Variants in SLC35F1 observed in about 807,000 individuals in gnomAD.
SLC35F1 encodes solute carrier family 35 member F1.
In SLC35F1, 14 loss-of-function variants were observed where a neutral mutation model predicts 48.7. The ratio of observed to expected loss-of-function variants is 0.29; its 90% CI spans 0.19 to 0.45. The LOEUF is 0.45. SLC35F1 is among the 20% of genes least tolerant of loss of function. The pLI is 1.00. For synonymous variants in SLC35F1, 190 were observed against 202.2 expected (o/e 0.94, Z 0.51); for missense variants, 404 against 500.0 (o/e 0.81, Z 1.83).
At chr6:118,061,115 G>A (rs1772530459) in intron 1 of SLC35F1, among the ~76,000 whole-genome samples, 1 of 152,212 alleles carries the variant, frequency 6.6e-6, no homozygotes, top group African/African-American at 2.4e-5. Flanking sequence ...AGGATAGACA[G>A]TCATTAGTAG....
intron 1 of SLC35F1, among the ~76,000 whole-genome samples, chr6:117,913,718 G>A (rs1048017806): frequency 9.2e-5 from 14 of 151,898 alleles, no homozygotes; most frequent in African/African-American, 3.4e-4. Flanking sequence ...GTGGCAACAT[G>A]AGTATAATTT....
At chr6:117,944,280 G>T (rs1258371271) in intron 1 of SLC35F1, among the ~76,000 whole-genome samples, 1 of 152,130 alleles carries the variant, frequency 6.6e-6, no homozygotes, top group Non-Finnish European at 1.5e-5. Flanking sequence ...ATCACTGGCA[G>T]TTCAAAAACC....
intron 1 of SLC35F1, among the ~76,000 whole-genome samples, chr6:117,988,620 T>C (rs1401616840): frequency 6.6e-6 from 1 of 152,196 alleles, no homozygotes. Context: ...CCAATGTTAT[T>C]AATATTGACC....
chr6:118,090,155 C>G (rs1403812570), intron 1 of SLC35F1, among the ~76,000 whole-genome samples: 2 of 152,178 alleles, frequency 1.3e-5, no homozygotes, highest in Non-Finnish European at 2.9e-5. Flanking sequence ...ATTTTAACAC[C>G]TCAAGGTGGG....
intron 1 of SLC35F1, among the ~76,000 whole-genome samples, chr6:118,151,647 CT>C (rs1774059158): frequency 6.6e-6 from 1 of 152,096 alleles, no homozygotes; most frequent in Non-Finnish European, 1.5e-5. Context: ...TCCCAAGGAG[CT>C]GGGACTACAG....
At chr6:117,999,197 C>T (rs1054063296) in intron 1 of SLC35F1, 64 of 1,595,632 alleles carry the variant, frequency 4.0e-5, no homozygotes, top group Non-Finnish European at 4.9e-5. Flanking sequence ...TATCAAGGCC[C>T]TCGTAAAGCC....
chr6:118,072,117 T>G (rs9481765), intron 1 of SLC35F1, among the ~76,000 whole-genome samples: 27,880 of 152,248 alleles, frequency 0.18, 2,873 homozygotes, highest in Middle Eastern at 0.27. Flanking sequence ...TTTTATCTTT[T>G]TATTTTGAGA....
chr6:118,272,583 A>ATT (rs200221314), intron 4 of SLC35F1, among the ~76,000 whole-genome samples: 1 of 151,530 alleles, frequency 6.6e-6, no homozygotes. Flanking sequence ...CTAGATACAA[A>ATT]TTTTTTTTCT....
chr6:118,177,428 TCC>T, intron 2 of SLC35F1, among the ~76,000 whole-genome samples: 1 of 152,268 alleles, frequency 6.6e-6, no homozygotes. Context: ...AGATAATCCC[TCC>T]CACATACCCT....
chr6:118,114,087 A>G (rs752865392), intron 1 of SLC35F1, among the ~76,000 whole-genome samples: 3 of 152,098 alleles, frequency 2.0e-5, no homozygotes, highest in Non-Finnish European at 4.4e-5. Context: ...TTCACAAGAG[A>G]TATATGCCAG....
rs375103941 is a variant in SLC35F1 at position 117,917,736 on chromosome 6, G to A, written c.173+9837G>A. On this transcript the variant is annotated intron_variant, in intron 1 of 7. Transcript: ENST00000360388. ...AACGGTCAAAAGAAAGCTGGAGTGT[G>A]GAATTCTGGGGAGAAGTCGGAGTGT... 7.5e-3 allele frequency among the ~76,000 whole-genome samples: 580 copies of A among 77,330 alleles called. 2 individuals are homozygous for A. Among genetic ancestry groups the A allele is most frequent in the African/African-American group, 0.03 (561 of 18,542 alleles). The allele number at this position is 77,330 out of a possible 152,430, so 50.7% of individuals were successfully genotyped here. A position where few individuals can be genotyped will look rare whatever the true frequency, so the allele number is the denominator to read the frequency against.
intron 1 of SLC35F1, among the ~76,000 whole-genome samples, chr6:118,034,771 AT>A (rs1772103390): frequency 6.6e-6 from 1 of 151,854 alleles, no homozygotes; most frequent in African/African-American, 2.4e-5. Context: ...CATTTATATA[AT>A]CCTCCCAGAC....
At chr6:118,025,636 A>T (rs1777451990) in intron 1 of SLC35F1, among the ~76,000 whole-genome samples, 2 of 152,092 alleles carry the variant, frequency 1.3e-5, no homozygotes, top group African/African-American at 4.8e-5. Context: ...TCCCACATTT[A>T]TTTATTTATG....
chr6:117,929,740 A>AC (rs1776076635), intron 1 of SLC35F1, among the ~76,000 whole-genome samples: 1 of 152,134 alleles, frequency 6.6e-6, no homozygotes, highest in African/African-American at 2.4e-5. Flanking sequence ...CTTAAAGCTA[A>AC]CTGATTGTAA....
At chr6:117,921,053 GACACACACACACACACACAC>G (rs60793418) in intron 1 of SLC35F1, among the ~76,000 whole-genome samples, 5 of 149,392 alleles carry the variant, frequency 3.3e-5, no homozygotes, top group African/African-American at 4.9e-5. Flanking sequence ...ATTTCTCTTT[GACACACACACACACACACAC>G]ACACACACAC....
At chr6:118,094,449 A>G (rs1170012228) in intron 1 of SLC35F1, among the ~76,000 whole-genome samples, 1 of 152,188 alleles carries the variant, frequency 6.6e-6, no homozygotes, top group Non-Finnish European at 1.5e-5. Flanking sequence ...AAGGAGAGAA[A>G]GAGATGGTAA....
At chr6:118,246,332 A>G (rs977609948) in intron 3 of SLC35F1, among the ~76,000 whole-genome samples, 1 of 152,196 alleles carries the variant, frequency 6.6e-6, no homozygotes, top group African/African-American at 2.4e-5. Flanking sequence ...AGCTTTACAG[A>G]TAGATGGCTG....
intron 3 of SLC35F1, among the ~76,000 whole-genome samples, chr6:118,245,585 T>G (rs560632828): frequency 3.1e-4 from 47 of 152,188 alleles, no homozygotes; most frequent in Non-Finnish European, 5.6e-4. Context: ...TGATTCTCAC[T>G]GATAAAGTGA....
intron 1 of SLC35F1, among the ~76,000 whole-genome samples, chr6:117,917,729 G>GGAGTGTGGAATTCTGGGGACAAGTCA (rs1562236607): frequency 1.7e-5 from 1 of 57,670 alleles, no homozygotes; most frequent in Non-Finnish European, 4.2e-5. Flanking sequence ...AAAGAAAGCT[G>GGAGTGTGGAATTCTGGGGACAAGTCA]GAGTGTGGAA....
Sources: allele counts gnomAD v4.1 joint callset (sites outside exome capture counted in the v4.1 genomes callset), GRCh38; gene constraint gnomAD v4.1.1; transcripts MANE v1.5; gene names NCBI Gene and HGNC (gene_info 2026-07-23, HGNC 2026-07-21).